Variants in CNTLN observed in about 807,000 individuals in gnomAD.
CNTLN encodes centlein.
A neutral mutation model predicts 180.0 loss-of-function variants in CNTLN; 212 were observed. The observed-to-expected ratio is 1.18, with a 90% CI of 1.05 to 1.32. CNTLN has a LOEUF of 1.32. Among genes scored for constraint, CNTLN ranks in the 40% most tolerant of loss-of-function variants. The pLI is 0.00. For synonymous variants in CNTLN, 722 were observed against 563.1 expected (o/e 1.28, Z -3.99); for missense variants, 2,095 against 1,610.9 (o/e 1.30, Z -5.14).
intron 15 of CNTLN, among the ~76,000 whole-genome samples, chr9:17,409,022 T>C (rs957533422): frequency 5.3e-5 from 8 of 152,180 alleles, no homozygotes; most frequent in African/African-American, 1.9e-4. Flanking sequence ...CAACAATTGC[T>C]TCCTGAGTTA....
chr9:17,263,760 T>A (rs1020327365), intron 5 of CNTLN, among the ~76,000 whole-genome samples: 18 of 145,686 alleles, frequency 1.2e-4, no homozygotes, highest in South Asian at 4.7e-4. Context: ...TGGTATCTCA[T>A]TGTGGTTTTG....
At chr9:17,209,489 G>A (rs1823140247) in intron 2 of CNTLN, among the ~76,000 whole-genome samples, 2 of 152,132 alleles carry the variant, frequency 1.3e-5, no homozygotes, top group South Asian at 4.1e-4. Flanking sequence ...TTTCTGTCTG[G>A]ATGATTCTGT....
chr9:17,170,502 T>C (rs1485245963), intron 2 of CNTLN, among the ~76,000 whole-genome samples: 1 of 152,134 alleles, frequency 6.6e-6, no homozygotes, highest in Admixed American at 6.5e-5. Context: ...TTTACATTCC[T>C]TTTTACATTC....
chr9:17,340,793 A>G, intron 10 of CNTLN, 34 bp from the exon 11 acceptor site: 1 of 1,565,532 alleles, frequency 6.4e-7, no homozygotes, highest in Non-Finnish European at 8.6e-7. Context: ...ACTTTCTTCA[A>G]ACTTATATAT....
Position 17,279,051 on chromosome 9 carries a change from A to G in CNTLN, c.983+5185A>G, listed in dbSNP as rs559139245. Among the ~76,000 whole-genome samples, 531 of 142,212 alleles carry G rather than the reference A, an allele frequency of 3.7e-3. 2 individuals are homozygous for G. The highest frequency in any genetic ancestry group is 0.023 in the Middle Eastern group (6 of 258). The allele number at this position is 142,212 out of a possible 152,430, so 93.3% of individuals were successfully genotyped here. ...TAAGGAACACTATCTTTCTAAAACTAAGAACAAACTGATACGAAAAACCTT... is the reference window on the plus strand; with the variant it reads ...TAAGGAACACTATCTTTCTAAAACTGAGAACAAACTGATACGAAAAACCTT... On this transcript the variant is annotated intron_variant, in intron 6 of 25. Coordinates refer to ENST00000380647, the MANE Select transcript of CNTLN (RefSeq NM_017738.4).
chr9:17,414,916 C>T (rs928905962), intron 16 of CNTLN, among the ~76,000 whole-genome samples: 1 of 151,918 alleles, frequency 6.6e-6, no homozygotes, highest in Non-Finnish European at 1.5e-5. Context: ...ATGGTGAAAC[C>T]CCATCTCTAC....
At chr9:17,272,397 T>G (rs2132504513) in intron 5 of CNTLN, among the ~76,000 whole-genome samples, 1 of 152,276 alleles carries the variant, frequency 6.6e-6, no homozygotes, top group Non-Finnish European at 1.5e-5. Context: ...TTTCTGATTG[T>G]TCACTTCATT....
At chr9:17,521,265 A>AGAG in the CNTLN span, among the ~76,000 whole-genome samples, 9 of 118,508 alleles carry the variant, frequency 7.6e-5, no homozygotes, top group African/African-American at 2.5e-4. Flanking sequence ...AAGGGAGAAA[A>AGAG]AGAGAGAGAG....
At chr9:17,342,563 T>C (rs1821568596) in intron 12 of CNTLN, 119 bp downstream of exon 12, 2 of 936,078 alleles carry the variant, frequency 2.1e-6, no homozygotes, top group African/African-American at 1.8e-5. Flanking sequence ...TTTTTGCCAA[T>C]AAAAGTAAAG....
At chr9:17,283,982 G>T (rs1174455680) in intron 6 of CNTLN, among the ~76,000 whole-genome samples, 2 of 151,944 alleles carry the variant, frequency 1.3e-5, no homozygotes, top group African/African-American at 4.8e-5. Context: ...TGAATGTGCT[G>T]CTGTATTCAG....
At chr9:17,301,118 GAAGAT>G (rs1338406071) in intron 7 of CNTLN, 1 of 985,370 alleles carries the variant, frequency 1.0e-6, no homozygotes, top group Non-Finnish European at 1.2e-6. Context: ...ACTTTGCTGA[GAAGAT>G]AAGATATCAA....
At chr9:17,421,139 C>T (rs1267512096) in intron 18 of CNTLN, among the ~76,000 whole-genome samples, 1 of 152,026 alleles carries the variant, frequency 6.6e-6, no homozygotes, top group African/African-American at 2.4e-5. Flanking sequence ...GATGATCTGT[C>T]CATTGCTGAA....
chr9:17,184,790 C>T (rs1338017744), intron 2 of CNTLN, among the ~76,000 whole-genome samples: 3 of 152,110 alleles, frequency 2.0e-5, no homozygotes, highest in African/African-American at 4.8e-5. Flanking sequence ...GAAATGAACA[C>T]GTCTTTATTC....
At chr9:17,387,168 G>A (rs1000583218) in intron 13 of CNTLN, among the ~76,000 whole-genome samples, 28 of 152,140 alleles carry the variant, frequency 1.8e-4, no homozygotes, top group Non-Finnish European at 3.5e-4. Context: ...TTTATACCAG[G>A]AGGATTTCTA....
intron 14 of CNTLN, among the ~76,000 whole-genome samples, chr9:17,390,515 A>C (rs9298778): frequency 0.82 from 124,216 of 151,892 alleles, 51,271 homozygotes; most frequent in Non-Finnish European, 0.87. Context: ...AAGTGCTGGG[A>C]TTACAGGCAT....
downstream of CNTLN, among the ~76,000 whole-genome samples, chr9:17,504,371 C>A (rs568915525): frequency 1.3e-5 from 2 of 152,030 alleles, no homozygotes; most frequent in African/African-American, 2.4e-5. Context: ...TACCTCATTA[C>A]GACAGAATTT....
At chr9:17,377,116 T>C (rs1328539819) in intron 13 of CNTLN, among the ~76,000 whole-genome samples, 1 of 152,224 alleles carries the variant, frequency 6.6e-6, no homozygotes, top group Non-Finnish European at 1.5e-5. Flanking sequence ...ACTTTATATA[T>C]TACAAGAATA....
intron 10 of CNTLN, 90 bp downstream of exon 10, chr9:17,332,820 T>C: frequency 1.9e-6 from 2 of 1,034,400 alleles, no homozygotes; most frequent in South Asian, 2.6e-5. Context: ...CTAGTTGTCC[T>C]TTTTCTTTCC....
At chr9:17,370,278 AG>A (rs1372097477) in intron 13 of CNTLN, among the ~76,000 whole-genome samples, 1 of 152,208 alleles carries the variant, frequency 6.6e-6, no homozygotes, top group African/African-American at 2.4e-5. Context: ...CCAAGGGTCA[AG>A]GATAAAGAAA....
Sources: allele counts gnomAD v4.1 joint callset (sites outside exome capture counted in the v4.1 genomes callset), GRCh38; gene constraint gnomAD v4.1.1; transcripts MANE v1.5; gene names NCBI Gene and HGNC (gene_info 2026-07-23, HGNC 2026-07-21).